Variants in DENND2B observed in about 807,000 individuals in gnomAD.
DENND2B encodes DENN domain-containing protein 2B.
A neutral mutation model predicts 116.0 loss-of-function variants in DENND2B; 32 were observed. The ratio of observed to expected loss-of-function variants is 0.28; its 90% CI spans 0.21 to 0.37. The LOEUF is 0.37. Among genes scored for constraint, DENND2B ranks in the 10% least tolerant of loss-of-function variants. The probability of loss-of-function intolerance (pLI) is 1.00; values close to 1 mark genes in which losing one functional copy is unlikely to be tolerated. For missense variants in DENND2B, 1,276 were observed against 1,477.7 expected, an observed-to-expected ratio of 0.86 and a Z score of 2.24; for synonymous variants, 588 against 583.9, an observed-to-expected ratio of 1.01 and a Z score of -0.10.
At position 8,750,742 on chromosome 11, in the gene DENND2B, G is replaced by C; in HGVS notation, c.-25-17C>G. On this transcript the variant is annotated splice_polypyrimidine_tract_variant and intron_variant, in intron 1 of 19. Coordinates refer to ENST00000313726, the MANE Select transcript of DENND2B (RefSeq NM_213618.2). ...CCCAGAGCCCTGCAAAGACGACAAT[G>C]CCGGTAAGCCAAGTTTCTATAGGCA... 1.2e-6 allele frequency: 2 copies of C among 1,612,752 alleles called. No homozygotes were observed. The highest frequency in any genetic ancestry group is 1.7e-6 in the Non-Finnish European group (2 of 1,178,860).
At chr11:8,713,631 T>G (rs1192907794) in intron 8 of DENND2B, among the ~76,000 whole-genome samples, 1 of 152,130 alleles carries the variant, frequency 6.6e-6, no homozygotes, top group African/African-American at 2.4e-5. Context: ...CTGCCCGCCT[T>G]GGCCTCCCAA....
intron 4 of DENND2B, among the ~76,000 whole-genome samples, chr11:8,829,087 T>C (rs898883981): frequency 2.4e-4 from 36 of 149,454 alleles, no homozygotes; most frequent in Middle Eastern, 3.2e-3. Flanking sequence ...GGTGTGTTTG[T>C]GTGTGTGGTG....
upstream of DENND2B, among the ~76,000 whole-genome samples, chr11:8,872,764 G>C (rs564788952): frequency 6.6e-6 from 1 of 152,248 alleles, no homozygotes; most frequent in African/African-American, 2.4e-5. Context: ...TCTACATTAG[G>C]AAAGCCCAAG....
intron 4 of DENND2B, among the ~76,000 whole-genome samples, chr11:8,836,300 T>C (rs1240923423): frequency 6.6e-6 from 1 of 151,954 alleles, no homozygotes; most frequent in African/African-American, 2.4e-5. Context: ...TCCACAACTT[T>C]CTCTAGCAAG....
At chr11:8,776,143 C>CGT (rs2057623804) in intron 1 of DENND2B, 1 of 161,946 alleles carries the variant, frequency 6.2e-6, no homozygotes, top group Non-Finnish European at 1.3e-5. Context: ...CACGCACGTG[C>CGT]GCGCACGCGC....
At chr11:8,744,974 GC>G (rs1419208474) in intron 2 of DENND2B, among the ~76,000 whole-genome samples, 6 of 150,508 alleles carry the variant, frequency 4.0e-5, no homozygotes, top group Non-Finnish European at 7.4e-5. Context: ...AAGCTGAAGT[GC>G]AGTACAATCT....
chr11:8,710,402 C>G (rs1470544542), intron 11 of DENND2B, among the ~76,000 whole-genome samples: 1 of 152,146 alleles, frequency 6.6e-6, no homozygotes, highest in Non-Finnish European at 1.5e-5. Flanking sequence ...GGCCTCCTCC[C>G]CACTACAGGC....
intron 1 of DENND2B, among the ~76,000 whole-genome samples, chr11:8,800,519 C>T (rs182219858): frequency 6.6e-6 from 1 of 152,276 alleles, no homozygotes; most frequent in African/African-American, 2.4e-5. Context: ...TGACCATCAT[C>T]TAGAGTTTGG....
chr11:8,853,671 G>A (rs1386928679), intron 3 of DENND2B, among the ~76,000 whole-genome samples: 2 of 152,082 alleles, frequency 1.3e-5, no homozygotes, highest in Admixed American at 6.5e-5. Context: ...TGAAAAATAA[G>A]ATAGAATAAA....
chr11:8,876,747 G>A (rs949828107), intron 2 of DENND2B, among the ~76,000 whole-genome samples: 2 of 151,908 alleles, frequency 1.3e-5, no homozygotes, highest in African/African-American at 4.8e-5. Context: ...GCATGGTAGC[G>A]AGCACCTGTA....
intron 1 of DENND2B, among the ~76,000 whole-genome samples, chr11:8,895,776 A>G (rs1594353317): frequency 6.6e-6 from 1 of 152,004 alleles, no homozygotes; most frequent in East Asian, 1.9e-4. Context: ...TTTTATTTTT[A>G]TTTTTTGTTA....
In DENND2B at chr11:8,764,942, C is replaced by CAA. The variant is rs35421038; in HGVS notation, c.-25-14219_-25-14218dup. ...CCTGGGTGACAGAGTGAGACTGTCT[C>CAA]AAAAAAAAAAAAAAAAAAAAAAAGA... On this transcript the variant is annotated intron_variant, in intron 1 of 19. Transcript: ENST00000313726. 5.3e-3 allele frequency among the ~76,000 whole-genome samples: 533 copies of CAA among 99,938 alleles called. 7 individuals are homozygous for CAA. Among genetic ancestry groups the CAA allele is most frequent in the East Asian group, 0.011 (40 of 3,688 alleles). 65.6% of individuals were successfully genotyped at this position (99,938 alleles called of 152,430 possible).
chr11:8,842,875 C>T (rs183946541), intron 3 of DENND2B, among the ~76,000 whole-genome samples: 24 of 152,202 alleles, frequency 1.6e-4, no homozygotes, highest in African/African-American at 4.8e-4. Flanking sequence ...AGGGTGATTT[C>T]GTAAATGCAT....
At chr11:8,906,266 C>T (rs557466226) in intron 1 of DENND2B, among the ~76,000 whole-genome samples, 5 of 137,506 alleles carry the variant, frequency 3.6e-5, no homozygotes, top group East Asian at 2.1e-4. Context: ...GGTGCAGTGG[C>T]GCGACCTTGG....
At chr11:8,894,863 T>C (rs1214003443) in intron 1 of DENND2B, among the ~76,000 whole-genome samples, 1 of 152,160 alleles carries the variant, frequency 6.6e-6, no homozygotes, top group Non-Finnish European at 1.5e-5. Flanking sequence ...GATCCAGAAC[T>C]AGAAATACCA....
chr11:8,696,592 GGGA>G lies in DENND2B; in HGVS notation c.3124_3126del (p.Ser1042del). On this transcript the variant is annotated inframe_deletion, in exon 18 of 20. Transcript: ENST00000313726. ...CCCTTCTCACTCTGTGTCAGAAAGA[GGGA>G]GTAGTGCCCAACGGTCTCCACAAAG... The G allele has an allele frequency of 6.2e-7, 1 of 1,614,206 alleles. No individual in the cohort carries two copies. The highest frequency in any genetic ancestry group is 2.2e-5 in the East Asian group (1 of 44,880).
chr11:8,849,806 G>A (rs1358138790), intron 3 of DENND2B, among the ~76,000 whole-genome samples: 9 of 142,886 alleles, frequency 6.3e-5, no homozygotes, highest in African/African-American at 2.1e-4. Flanking sequence ...CTGGGTGACA[G>A]AGGGAGTCTC....
chr11:8,871,580 G>C (rs1377110744), upstream of DENND2B, among the ~76,000 whole-genome samples: 2 of 152,130 alleles, frequency 1.3e-5, no homozygotes, highest in African/African-American at 4.8e-5. Context: ...CCCAGTTCTC[G>C]GGCCTCGGGG....
rs2047950040 is a variant in DENND2B, at chr11:8,730,547, G to A, written c.743C>T (p.Pro248Leu). The A allele has an allele frequency of 6.2e-7, 1 of 1,613,218 alleles. No individual in the cohort carries two copies. ...CAGCCGGTAGAAAGAGTCCCGGACAGGGAGCGCCTCTCCCTCCTCCTCAGT... is the reference window on the plus strand; with the variant it reads ...CAGCCGGTAGAAAGAGTCCCGGACAAGGAGCGCCTCTCCCTCCTCCTCAGT... The part of the protein sequence containing the change: ...PETEEEGEAL[P>L]VRDSFYRLEK... The change falls in exon 3 of 20, where the codon CCT becomes CTT. Residue 248 changes from proline to leucine, a missense_variant. Coordinates refer to ENST00000313726, the MANE Select transcript of DENND2B (RefSeq NM_213618.2). This position sits in a 1 kb window ranked among gnomAD's most constrained non-coding sequence, Gnocchi z 4.1.
Sources: allele counts gnomAD v4.1 joint callset (sites outside exome capture counted in the v4.1 genomes callset), GRCh38; gene constraint gnomAD v4.1.1; non-coding constraint Gnocchi (gnomAD v3.1); transcripts MANE v1.5; gene names NCBI Gene and HGNC (gene_info 2026-07-23, HGNC 2026-07-21).